Variants in PRKCA observed in about 807,000 individuals in gnomAD.
PRKCA encodes protein kinase C alpha.
PRKCA carries 27 observed loss-of-function variants against 87.0 expected under a neutral mutation model. The ratio of observed to expected loss-of-function variants is 0.31; its 90% CI spans 0.23 to 0.43. The LOEUF is 0.43. Ranked by LOEUF, PRKCA falls within the 20% of genes least tolerant of loss-of-function variation. The pLI is 1.00. For missense variants in PRKCA, 518 were observed against 852.3 expected (o/e 0.61, Z 4.88); for synonymous variants, 329 against 311.1 (o/e 1.06, Z -0.61).
intron 3 of PRKCA, among the ~76,000 whole-genome samples, chr17:66,505,992 T>A (rs2144149521): frequency 6.6e-6 from 1 of 152,266 alleles, no homozygotes; most frequent in Admixed American, 6.5e-5. Context: ...ATGTTTGGTT[T>A]TTTAAAAATT....
chr17:66,554,802 A>G (rs1432086240), intron 3 of PRKCA, among the ~76,000 whole-genome samples: 1 of 152,028 alleles, frequency 6.6e-6, no homozygotes, highest in Non-Finnish European at 1.5e-5. Context: ...TGTTGCCTCT[A>G]AACACTTGTA....
At chr17:66,384,788 C>T (rs1035372279) in intron 2 of PRKCA, among the ~76,000 whole-genome samples, 5 of 152,122 alleles carry the variant, frequency 3.3e-5, no homozygotes, top group Non-Finnish European at 7.4e-5. Flanking sequence ...GTCACCACAC[C>T]TGGCTAATTT....
intron 2 of PRKCA, among the ~76,000 whole-genome samples, chr17:66,446,316 A>C (rs1298854002): frequency 6.6e-6 from 1 of 152,136 alleles, no homozygotes; most frequent in Non-Finnish European, 1.5e-5. Context: ...CTGTGGAGAC[A>C]GTTGTCCTTG....
In PRKCA at chr17:66,496,253, T is replaced by G; in HGVS notation, c.258T>G (p.Cys86Trp). 1.2e-6 allele frequency: 2 copies of G among 1,614,150 alleles called. No individual in the cohort carries two copies. The highest frequency in any genetic ancestry group is 1.7e-6 in the Non-Finnish European group (2 of 1,179,972). ...GCCATGAATTTGTTACTTTTTCTTG[T>G]CCGGGTGCGGATAAGGGACCCGACA... Reference protein sequence around the residue: ...KRCHEFVTFSCPGADKGPDTD... With the variant: ...KRCHEFVTFSWPGADKGPDTD... The change falls in exon 3 of 17, where the codon TGT (cysteine) becomes TGG (tryptophan). Residue 86 changes from cysteine to tryptophan, a missense_variant. Transcript: ENST00000413366.
rs920618117 is a variant in PRKCA, at chr17:66,497,243, A to T, written c.288+960A>T. 5.9e-5 allele frequency among the ~76,000 whole-genome samples: 9 copies of T among 151,954 alleles called. No homozygotes were observed. In the South Asian group the frequency reaches 1.1e-3, roughly 18 times the overall value. ...CCGGGCACGGTGGCTCACGCCTGTAATCCCAGCACTTTGGAAGGCTGAGGC... is the reference window on the plus strand; with the variant it reads ...CCGGGCACGGTGGCTCACGCCTGTATTCCCAGCACTTTGGAAGGCTGAGGC... On this transcript the variant is annotated intron_variant, in intron 3 of 16. Transcript: ENST00000413366.
rs1976070130 is a variant in PRKCA at position 66,807,978 on chromosome 17, G to A, written c.*3941G>A. 6.6e-6 allele frequency: 1 copy of A among 152,184 alleles called. No individual in the cohort carries two copies. The highest frequency in any genetic ancestry group is 1.5e-5 in the Non-Finnish European group (1 of 68,054). 9.4% of individuals were successfully genotyped at this position (152,184 alleles called of 1,614,324 possible). On this transcript the variant is annotated 3_prime_UTR_variant, in exon 17 of 17. Coordinates refer to ENST00000413366, the MANE Select transcript of PRKCA (RefSeq NM_002737.3). This position sits in a 1 kb window ranked among gnomAD's most constrained non-coding sequence, Gnocchi z 4.3. ...TGCAGATGGAAGTTTCTGTCTGCTGGCCCTCAAGAGAGTGTTTTGCCAGGG... is the reference window on the plus strand; with the variant it reads ...TGCAGATGGAAGTTTCTGTCTGCTGACCCTCAAGAGAGTGTTTTGCCAGGG...
intron 8 of PRKCA, among the ~76,000 whole-genome samples, chr17:66,701,790 G>A (rs1023807769): frequency 2.6e-5 from 4 of 152,096 alleles, no homozygotes; most frequent in Non-Finnish European, 5.9e-5. Flanking sequence ...AGACCTGTTA[G>A]AATGGCAGTT....
chr17:66,639,773 G>A (rs1971241150), intron 3 of PRKCA, among the ~76,000 whole-genome samples: 1 of 151,732 alleles, frequency 6.6e-6, no homozygotes, highest in Non-Finnish European at 1.5e-5. Context: ...GAAGCAAGTA[G>A]ATCACCTGAT....
chr17:66,329,300 A>G (rs1001302036), intron 2 of PRKCA, among the ~76,000 whole-genome samples: 5 of 152,200 alleles, frequency 3.3e-5, no homozygotes, highest in South Asian at 4.1e-4. Context: ...GTTTCGGGGA[A>G]GACCATGTGG....
chr17:66,368,334 A>G (rs1013250105), intron 2 of PRKCA, among the ~76,000 whole-genome samples: 33 of 22,608 alleles, frequency 1.5e-3, no homozygotes, highest in African/African-American at 3.0e-3. Context: ...ATGTGTGTGT[A>G]TATATGTGTG....
At chr17:66,381,678 A>G (rs1341454496) in intron 2 of PRKCA, among the ~76,000 whole-genome samples, 1 of 152,216 alleles carries the variant, frequency 6.6e-6, no homozygotes, top group African/African-American at 2.4e-5. Context: ...TTGCTAACAC[A>G]TAAAGCTAAA....
chr17:66,742,576 T>C, intron 12 of PRKCA, 46 bp from the exon 13 acceptor site: 4 of 1,601,188 alleles, frequency 2.5e-6, no homozygotes, highest in Non-Finnish European at 3.4e-6. Flanking sequence ...AAGCAAACCA[T>C]GTTATGTCAT....
chr17:66,407,395 A>G (rs1911479095), intron 2 of PRKCA, among the ~76,000 whole-genome samples: 1 of 152,112 alleles, frequency 6.6e-6, no homozygotes, highest in Non-Finnish European at 1.5e-5. Flanking sequence ...TGCCTGCAAG[A>G]AAGCTTGCTC....
intron 2 of PRKCA, among the ~76,000 whole-genome samples, chr17:66,389,950 G>A (rs544872298): frequency 6.6e-6 from 1 of 152,332 alleles, no homozygotes; most frequent in African/African-American, 2.4e-5. Flanking sequence ...GAGGCCGGGC[G>A]CAGTGGCTCA....
At chr17:66,687,483 T>G (rs1431896979) in intron 6 of PRKCA, among the ~76,000 whole-genome samples, 1 of 152,220 alleles carries the variant, frequency 6.6e-6, no homozygotes, top group Admixed American at 6.5e-5. Context: ...GGCCTCAGAT[T>G]ATTATTATCT....
chr17:66,664,503 T>TA (rs1157784998), intron 5 of PRKCA, among the ~76,000 whole-genome samples: 1 of 152,134 alleles, frequency 6.6e-6, no homozygotes, highest in Admixed American at 6.5e-5. Context: ...TTTTTTGTTT[T>TA]AAACAGTGAT....
At chr17:66,579,973 ACTCT>A (rs745502427) in intron 3 of PRKCA, among the ~76,000 whole-genome samples, 2 of 151,660 alleles carry the variant, frequency 1.3e-5, no homozygotes, top group African/African-American at 4.8e-5. Context: ...TCCTCGGCTC[ACTCT>A]CTTTCTCTGC....
chr17:66,528,489 G>A (rs1212061586), intron 3 of PRKCA, among the ~76,000 whole-genome samples: 2 of 152,124 alleles, frequency 1.3e-5, no homozygotes, highest in African/African-American at 4.8e-5. Flanking sequence ...TAAGAGTGAG[G>A]GATGAACTCA....
intron 2 of PRKCA, among the ~76,000 whole-genome samples, chr17:66,366,079 T>C (rs1908701776): frequency 6.6e-6 from 1 of 152,190 alleles, no homozygotes; most frequent in South Asian, 2.1e-4. Flanking sequence ...AATCTGCCAC[T>C]GGAACCATCC....
Sources: gnomAD v4.1 joint callset for allele counts (sites outside exome capture counted in the v4.1 genomes callset) on GRCh38, gnomAD v4.1.1 for gene constraint, Gnocchi (gnomAD v3.1) non-coding constraint, MANE v1.5 for transcripts, NCBI Gene and HGNC (gene_info 2026-07-23, HGNC 2026-07-21) for gene names.